Variants in CDH4 observed in about 807,000 individuals in gnomAD.
The protein encoded by CDH4 is cadherin 4, also known as cadherin-4.
CDH4 carries 33 observed loss-of-function variants against 86.0 expected under a neutral mutation model. The ratio of observed to expected loss-of-function variants is 0.38; its 90% CI spans 0.29 to 0.51. The LOEUF (loss-of-function observed/expected upper bound fraction) is 0.51. Ranked by LOEUF, CDH4 falls within the 20% of genes least tolerant of loss-of-function variation. The pLI, the probability that CDH4 is intolerant of heterozygous loss-of-function variation, is 0.86. For synonymous variants in CDH4, 555 were observed against 549.4 expected (o/e 1.01, Z -0.14); for missense variants, 1,114 against 1,307.4 (o/e 0.85, Z 2.28).
intron 2 of CDH4, among the ~76,000 whole-genome samples, chr20:61,442,397 T>TC (rs1341553618): frequency 6.9e-6 from 1 of 144,200 alleles, no homozygotes; most frequent in Non-Finnish European, 1.5e-5. Flanking sequence ...AACATCCCCA[T>TC]ATCGCTTATG....
At chr20:61,657,373 C>T (rs1030768122) in intron 2 of CDH4, among the ~76,000 whole-genome samples, 2 of 152,242 alleles carry the variant, frequency 1.3e-5, no homozygotes, top group Non-Finnish European at 1.5e-5. Context: ...ACACACTTCG[C>T]AGATGTATCT....
chr20:61,914,665 C>T (rs1183701452), intron 9 of CDH4, among the ~76,000 whole-genome samples: 3 of 152,174 alleles, frequency 2.0e-5, no homozygotes, highest in African/African-American at 7.2e-5. Context: ...CCTGGTACCC[C>T]GCATCTCCCA....
At chr20:61,539,785 C>T (rs1188215060) in intron 2 of CDH4, among the ~76,000 whole-genome samples, 2 of 152,222 alleles carry the variant, frequency 1.3e-5, no homozygotes, top group Admixed American at 6.5e-5. Flanking sequence ...AGCAGGGACA[C>T]GCCAGCTCTT....
chr20:61,785,276 G>C (rs928775051), intron 4 of CDH4, among the ~76,000 whole-genome samples: 1 of 152,162 alleles, frequency 6.6e-6, no homozygotes, highest in Non-Finnish European at 1.5e-5. Context: ...TCACACCTGT[G>C]GCAGCTCAGT....
chr20:61,562,034 G>A (rs149119542), intron 2 of CDH4, among the ~76,000 whole-genome samples: 2,307 of 146,510 alleles, frequency 0.016, 25 homozygotes, highest in African/African-American at 0.056. Flanking sequence ...AGGGGCCTTC[G>A]TGTGGAGAGG....
chr20:61,287,122 C>T (rs184004860), intron 2 of CDH4, among the ~76,000 whole-genome samples: 131 of 152,248 alleles, frequency 8.6e-4, no homozygotes, highest in African/African-American at 2.9e-3. Context: ...TCAGTGTCTT[C>T]GTCTGAAAAC....
intron 2 of CDH4, among the ~76,000 whole-genome samples, chr20:61,383,706 GTATATGA>G (rs1213413168): frequency 2.7e-5 from 2 of 74,104 alleles, no homozygotes; most frequent in Admixed American, 1.4e-4. Flanking sequence ...ATATATGAAT[GTATATGA>G]TATATGATAT....
In CDH4 at chr20:61,742,919, G is replaced by T. The variant is rs1429511146; in HGVS notation, c.170-644G>T. On this transcript the variant is annotated intron_variant, in intron 2 of 15. Transcript: ENST00000614565. ...TTCAACTCTGTTTCCAGTTCACCAA[G>T]AAAGCACTTGGTGGGGCCAGGGTCT... Among the ~76,000 whole-genome samples, 7 of 152,194 alleles carry T rather than the reference G, an allele frequency of 4.6e-5. No homozygotes were observed. The East Asian group carries it at 1.4e-3, about 29-fold the overall frequency.
At chr20:61,335,702 A>G (rs1395994840) in intron 2 of CDH4, among the ~76,000 whole-genome samples, 9 of 152,232 alleles carry the variant, frequency 5.9e-5, no homozygotes, top group Non-Finnish European at 1.5e-5. Flanking sequence ...GAAGGAGAGC[A>G]TAATGCGCCC....
At chr20:61,307,342 C>A (rs1462288619) in intron 2 of CDH4, among the ~76,000 whole-genome samples, 1 of 151,938 alleles carries the variant, frequency 6.6e-6, no homozygotes, top group Admixed American at 6.6e-5. Flanking sequence ...TTGCATGTAT[C>A]ATTAGGCACT....
At chr20:61,381,635 TC>T (rs775561863) in intron 2 of CDH4, among the ~76,000 whole-genome samples, 2 of 151,622 alleles carry the variant, frequency 1.3e-5, no homozygotes, top group Non-Finnish European at 2.9e-5. Flanking sequence ...CCGCAGAATG[TC>T]CCCCCTTGGA....
chr20:61,355,619 C>A (rs901888166), intron 2 of CDH4, among the ~76,000 whole-genome samples: 4 of 152,210 alleles, frequency 2.6e-5, no homozygotes, highest in Admixed American at 1.3e-4. Context: ...AAAACAGAGG[C>A]AGCTTAAGAC....
intron 2 of CDH4, among the ~76,000 whole-genome samples, chr20:61,488,581 A>G (rs568954079): frequency 1.3e-5 from 2 of 152,204 alleles, no homozygotes; most frequent in Non-Finnish European, 2.9e-5. Context: ...TATGTACTCT[A>G]TAAAAAATGT....
intron 2 of CDH4, among the ~76,000 whole-genome samples, chr20:61,409,884 G>A (rs751770719): frequency 2.2e-4 from 34 of 152,242 alleles, no homozygotes; most frequent in Non-Finnish European, 4.7e-4. Flanking sequence ...AGCAGCCCAG[G>A]CTTTGTGTTA....
intron 2 of CDH4, among the ~76,000 whole-genome samples, chr20:61,398,598 C>T (rs779929303): frequency 1.3e-5 from 2 of 152,172 alleles, no homozygotes; most frequent in South Asian, 4.1e-4. Flanking sequence ...GGAGCCGAGT[C>T]TTTCTTAAAG....
intron 2 of CDH4, among the ~76,000 whole-genome samples, chr20:61,693,679 G>C (rs980238578): frequency 6.6e-6 from 1 of 152,168 alleles, no homozygotes; most frequent in African/African-American, 2.4e-5. Context: ...CAGCGTTAGA[G>C]GGCAAAGGCC....
At chr20:61,287,864 G>T (rs935757353) in intron 2 of CDH4, among the ~76,000 whole-genome samples, 1 of 152,170 alleles carries the variant, frequency 6.6e-6, no homozygotes, top group Non-Finnish European at 1.5e-5. Flanking sequence ...TGGAAGAGGA[G>T]CCTGAAGCCG....
At position 61,895,151 on chromosome 20, in the gene CDH4, A is replaced by C; in HGVS notation, c.1188+104A>C. On this transcript the variant is annotated intron_variant, in intron 8 of 15. Coordinates refer to ENST00000614565, the MANE Select transcript of CDH4 (RefSeq NM_001794.5). ...CTCTCTGCGGCTCTGCCTGACGGGC[A>C]CTTGGCAGATAGCGTGTAAGAAAGG... The C allele has an allele frequency of 2.2e-6, 3 of 1,378,010 alleles. No individual in the cohort carries two copies. The Admixed American group carries it at 6.1e-5, about 28-fold the overall frequency. 85.4% of individuals were successfully genotyped at this position (1,378,010 alleles called of 1,614,324 possible).
chr20:61,568,159 G>A (rs2086314341), intron 2 of CDH4, among the ~76,000 whole-genome samples: 1 of 152,150 alleles, frequency 6.6e-6, no homozygotes, highest in South Asian at 2.1e-4. Flanking sequence ...AGAATATAGT[G>A]TTGCAGATAC....
Sources: allele counts gnomAD v4.1 joint callset (sites outside exome capture counted in the v4.1 genomes callset), GRCh38; gene constraint gnomAD v4.1.1; transcripts MANE v1.5; gene names NCBI Gene and HGNC (gene_info 2026-07-23, HGNC 2026-07-21).